The following CHRNA2 variants were observed in gnomAD, a reference collection of about 807,000 sequenced individuals.
CHRNA2 encodes the protein cholinergic receptor nicotinic alpha 2 subunit, also known as neuronal acetylcholine receptor subunit alpha-2.
In CHRNA2, 40 loss-of-function variants were observed where a neutral mutation model predicts 45.5. The ratio of observed to expected loss-of-function variants is 0.88; its 90% CI spans 0.68 to 1.15. The LOEUF is 1.15. Among genes scored for constraint, CHRNA2 ranks in the 50% most tolerant of loss-of-function variants. The probability of loss-of-function intolerance (pLI) is 0.00; values close to 1 mark genes in which losing one functional copy is unlikely to be tolerated. For missense variants in CHRNA2, 655 were observed against 701.7 expected (o/e 0.93, Z 0.75); for synonymous variants, 301 against 296.7 (o/e 1.01, Z -0.15).
At chr8:27,471,693 G>A (rs1407260680) in intron 1 of CHRNA2, among the ~76,000 whole-genome samples, 5 of 152,234 alleles carry the variant, frequency 3.3e-5, no homozygotes, top group African/African-American at 4.8e-5. Flanking sequence ...GAGGAACCTA[G>A]AAAGCATTGT....
rs368990736 is a variant in CHRNA2 at position 27,479,005 on chromosome 8, G to A, written c.-318C>T. On this transcript the variant is annotated 5_prime_UTR_variant, in exon 1 of 7. Coordinates refer to ENST00000407991, the MANE Select transcript of CHRNA2 (RefSeq NM_000742.4). The stretch of plus-strand genomic sequence containing the variant: ...GTGAGGGTTTAGGAGACACCCCGTC[G>A]AGCAGAAGACTTACATGAGAGGCAT... The A allele has an allele frequency of 6.6e-6, 1 of 152,112 alleles. No individual in the cohort carries two copies. Among genetic ancestry groups the A allele is most frequent in the East Asian group, 1.9e-4 (1 of 5,176 alleles). The allele number at this position is 152,112 out of a possible 1,614,324, so 9.4% of individuals were successfully genotyped here. A position where few individuals can be genotyped will look rare whatever the true frequency, so the allele number is the denominator to read the frequency against.
intron 6 of CHRNA2, among the ~76,000 whole-genome samples, chr8:27,462,298 A>C (rs1041169598): frequency 1.7e-4 from 26 of 152,052 alleles, no homozygotes; most frequent in African/African-American, 5.5e-4. Flanking sequence ...ATCATGATTA[A>C]TTTTCTTGTC....
intron 1 of CHRNA2, among the ~76,000 whole-genome samples, chr8:27,475,897 C>T (rs1280951984): frequency 1.3e-5 from 2 of 152,162 alleles, no homozygotes; most frequent in Admixed American, 1.3e-4. Context: ...ATCTTATTCA[C>T]CTCTTCCCTC....
intron 1 of CHRNA2, among the ~76,000 whole-genome samples, chr8:27,474,732 C>T (rs558976649): frequency 6.6e-6 from 1 of 152,358 alleles, no homozygotes; most frequent in South Asian, 2.1e-4. Flanking sequence ...CAAGAGCTCT[C>T]GTTCAGGAGT....
chr8:27,461,304 CT>C lies in CHRNA2; in HGVS notation c.*324del. The C allele has an allele frequency of 2.8e-6, 1 of 357,000 alleles. No individual in the cohort carries two copies. The highest frequency in any genetic ancestry group is 5.6e-5 in the East Asian group (1 of 17,972). 22.1% of individuals were successfully genotyped at this position (357,000 alleles called of 1,614,324 possible). A position where few individuals can be genotyped will look rare whatever the true frequency, so the allele number is the denominator to read the frequency against. On this transcript the variant is annotated 3_prime_UTR_variant, in exon 7 of 7. Transcript: ENST00000407991. ...TCGTCACCCTGGCCCCACTGTCCCC[CT>C]GGTTGACCCTTCTGTCACTTAGGGT...
rs905528984 is a variant in CHRNA2, at chr8:27,468,668, T to C, written c.339+667A>G. ...CAGCCTTCCAGAACCTTCCAGCACC[T>C]TCCAGAGCCTTCCAGACATCCCTGC... On this transcript the variant is annotated intron_variant, in intron 4 of 6. Coordinates refer to ENST00000407991, the MANE Select transcript of CHRNA2 (RefSeq NM_000742.4). 7.2e-5 allele frequency among the ~76,000 whole-genome samples: 11 copies of C among 152,176 alleles called. No individual in the cohort carries two copies. The East Asian group carries it at 1.3e-3, about 19-fold the overall frequency.
intron 1 of CHRNA2, among the ~76,000 whole-genome samples, chr8:27,477,562 G>A (rs1373654417): frequency 3.3e-5 from 5 of 152,114 alleles, no homozygotes; most frequent in Admixed American, 6.5e-5. Context: ...CCAGCAAGAT[G>A]CCTCAAACCT....
Position 27,463,325 on chromosome 8 carries a change from C to G in CHRNA2, c.1118G>C (p.Cys373Ser), listed in dbSNP as rs768424025. The G allele has an allele frequency of 1.2e-6, 2 of 1,612,852 alleles. No homozygotes were observed. The highest frequency in any genetic ancestry group is 2.2e-5 in the South Asian group (2 of 91,080). ...PHWVRGALLGCVPRWLLMNRP... is the reference protein window; with the variant it reads ...PHWVRGALLGSVPRWLLMNRP... ...GTTCATCAGAAGCCACCGGGGCACA[C>G]AGCCCAGAAGGGCCCCCCGCACCCA... The change falls in exon 6 of 7, where the codon TGT becomes TCT. Residue 373 changes from cysteine to serine, a missense_variant. Physicochemically the swap from Cys to Ser is moderately radical, Grantham distance 112. Transcript: ENST00000407991. The surrounding 1 kb of genome is among the most constrained non-coding windows in gnomAD (Gnocchi z 6.1).
chr8:27,461,474 A>G lies in CHRNA2; in HGVS notation c.*155T>C, dbSNP rs1812483371. On this transcript the variant is annotated 3_prime_UTR_variant, in exon 7 of 7. Transcript: ENST00000407991. ...CTGTCAGCCCTGGTACAATAACGTT[A>G]AGCTGGATGGAAGCCTGCAATCCCT... 9.5e-7 allele frequency: 1 copy of G among 1,055,712 alleles called. No homozygotes were observed. Among genetic ancestry groups the G allele is most frequent in the Admixed American group, 2.3e-5 (1 of 44,154 alleles). The allele number at this position is 1,055,712 out of a possible 1,614,324, so 65.4% of individuals were successfully genotyped here. A position where few individuals can be genotyped will look rare whatever the true frequency, so the allele number is the denominator to read the frequency against.
Position 27,470,995 on chromosome 8 carries a change from TCAGAAGGAGC to T in CHRNA2, c.54_63del (p.Trp18Ter), listed in dbSNP as rs776149538. On this transcript the variant is annotated frameshift_variant, in exon 2 of 7. Coordinates refer to ENST00000407991, the MANE Select transcript of CHRNA2 (RefSeq NM_000742.4). LOFTEE classifies it high-confidence loss of function. ...GGTGACAAACACTCACCTGCTGGGGTCAGAAGGAGCCACCACAGGCTGAGCTTTGTGAAGG... is the reference window on the plus strand; with the variant it reads ...GGTGACAAACACTCACCTGCTGGGGTCACCACAGGCTGAGCTTTGTGAAGG... 4.3e-6 allele frequency: 7 copies of T among 1,613,836 alleles called. No individual in the cohort carries two copies. In the South Asian group the frequency reaches 7.7e-5, roughly 18 times the overall value.
At chr8:27,471,515 A>G (rs1586401882) in intron 1 of CHRNA2, among the ~76,000 whole-genome samples, 2 of 152,262 alleles carry the variant, frequency 1.3e-5, no homozygotes, top group African/African-American at 2.4e-5. Flanking sequence ...AGAGTGGTCA[A>G]TAAAAGGATC....
At chr8:27,472,165 T>A (rs770446513) in intron 1 of CHRNA2, among the ~76,000 whole-genome samples, 3 of 152,224 alleles carry the variant, frequency 2.0e-5, no homozygotes, top group Admixed American at 6.5e-5. Flanking sequence ...TCTCATCACC[T>A]GTATCTTACA....
chr8:27,466,002 G>T (rs1812687295), intron 5 of CHRNA2, among the ~76,000 whole-genome samples: 1 of 152,130 alleles, frequency 6.6e-6, no homozygotes, highest in African/African-American at 2.4e-5. Flanking sequence ...TTTGATGTAG[G>T]ACTTTGCTCC....
At position 27,464,022 on chromosome 8, in the gene CHRNA2, C is replaced by T. The variant is rs76223749; in HGVS notation, c.450-29G>A. On this transcript the variant is annotated intron_variant, in intron 5 of 6. Coordinates refer to ENST00000407991, the MANE Select transcript of CHRNA2 (RefSeq NM_000742.4). The stretch of plus-strand genomic sequence containing the variant: ...AGAAGAGGAGAGGAGCTGGGGAGAC[C>T]CCTGCACACCCACCTGCCTGAGCCA... The T allele has an allele frequency of 7.3e-3, 11,704 of 1,612,320 alleles. 651 individuals are homozygous for T. In the African/African-American group the frequency reaches 0.13, roughly 18 times the overall value.
chr8:27,475,962 C>T (rs1447542059), intron 1 of CHRNA2, among the ~76,000 whole-genome samples: 1 of 152,196 alleles, frequency 6.6e-6, no homozygotes, highest in Non-Finnish European at 1.5e-5. Flanking sequence ...TCAGAGCTAC[C>T]TGCAAAAGGT....
rs1491346103 is a variant in CHRNA2, at chr8:27,473,531, CCG to C, written c.-136-2339_-136-2338del. Among the ~76,000 whole-genome samples, 129 of 125,546 alleles carry C rather than the reference CCG, an allele frequency of 1.0e-3. 9 individuals carry two copies. Among genetic ancestry groups the C allele is most frequent in the East Asian group, 6.9e-3 (24 of 3,458 alleles). 82.4% of individuals were successfully genotyped at this position (125,546 alleles called of 152,430 possible). On this transcript the variant is annotated intron_variant, in intron 1 of 6. Coordinates refer to ENST00000407991, the MANE Select transcript of CHRNA2 (RefSeq NM_000742.4). ...CCTGGGCAACATAGTGAGACCCCCC[CCG>C]CCGTCTCTACAAAAAATTCAAAAAT... is the stretch of plus-strand genomic sequence containing the variant.
Position 27,463,333 on chromosome 8 carries a change from A to G in CHRNA2, c.1110T>C (p.Leu370=). 1 of 1,613,756 alleles carries G rather than the reference A, an allele frequency of 6.2e-7. No individual in the cohort carries two copies. ...HTMPHWVRGA[L]LGCVPRWLLM... ...GAAGCCACCGGGGCACACAGCCCAG[A>G]AGGGCCCCCCGCACCCAGTGGGGCA... The change falls in exon 6 of 7, where the codon CTT becomes CTC. Residue 370 remains leucine (L), a synonymous_variant. Coordinates refer to ENST00000407991, the MANE Select transcript of CHRNA2 (RefSeq NM_000742.4). The surrounding 1 kb of genome is among the most constrained non-coding windows in gnomAD (Gnocchi z 6.1).
At chr8:27,467,095 G>C (rs1812718426) in intron 5 of CHRNA2, 134 bp downstream of exon 5, 1 of 701,718 alleles carries the variant, frequency 1.4e-6, no homozygotes, top group Admixed American at 2.1e-5. Flanking sequence ...AGAGAGGTAG[G>C]GGAGGCATGC....
Position 27,463,588 on chromosome 8 carries a change from C to T in CHRNA2, c.855G>A (p.Leu285=), listed in dbSNP as rs374766524. 6.2e-7 allele frequency: 1 copy of T among 1,614,162 alleles called. No individual in the cohort carries two copies. Among genetic ancestry groups the T allele is most frequent in the Non-Finnish European group, 8.5e-7 (1 of 1,180,032 alleles). Reference sequence around the variant, plus strand: ...CGCAGTCGGAGGGCAGGTAGAAGACCAGCACAGTGAGGCAGGAGATGAGCA... The same window carrying T: ...CGCAGTCGGAGGGCAGGTAGAAGACTAGCACAGTGAGGCAGGAGATGAGCA... ...PCLLISCLTV[L]VFYLPSDCGE... The change falls in exon 6 of 7, where the codon CTG becomes CTA. Residue 285 remains leucine, a synonymous_variant. Transcript: ENST00000407991. The surrounding 1 kb of genome is among the most constrained non-coding windows in gnomAD (Gnocchi z 6.1).
Sources: allele counts gnomAD v4.1 joint callset (sites outside exome capture counted in the v4.1 genomes callset), GRCh38; gene constraint gnomAD v4.1.1; non-coding constraint Gnocchi (gnomAD v3.1); transcripts MANE v1.5; gene names NCBI Gene and HGNC (gene_info 2026-07-23, HGNC 2026-07-21).